The following MIR2052HG variants were observed in gnomAD, a reference collection of about 807,000 sequenced individuals.
MIR2052HG encodes the protein MIR2052 host gene.
At chr8:74,705,582 G>A (rs1809402140) in intron 4 of MIR2052HG, 1 of 169,610 alleles carries the variant, frequency 5.9e-6, no homozygotes, top group African/African-American at 2.4e-5. Context: ...AAAGGGAAAA[G>A]CCTTCAGTAA....
Position 74,673,910 on chromosome 8 carries a change from T to TACAC in MIR2052HG, n.217-28463_217-28460dup, listed in dbSNP as rs1554575314. On this transcript the variant is annotated intron_variant and non_coding_transcript_variant, in intron 2 of 6. Coordinates refer to ENST00000523442, the Ensembl canonical transcript of MIR2052HG. ...TTGTATATATATATATATATATATA[T>TACAC]ACACACACAAAATATCTATCTATAT... Among the ~76,000 whole-genome samples, 803 of 132,586 alleles carry TACAC rather than the reference T, an allele frequency of 6.1e-3. 44 individuals carry two copies. The highest frequency in any genetic ancestry group is 0.023 in the African/African-American group (675 of 29,304). The allele number at this position is 132,586 out of a possible 152,430, so 87.0% of individuals were successfully genotyped here. A position where few individuals can be genotyped will look rare whatever the true frequency, so the allele number is the denominator to read the frequency against.
chr8:74,634,029 C>T (rs898430857), intron 2 of MIR2052HG, among the ~76,000 whole-genome samples: 2 of 152,232 alleles, frequency 1.3e-5, no homozygotes, highest in African/African-American at 2.4e-5. Flanking sequence ...ATCTGGGAGC[C>T]TAATGGAGGA....
chr8:74,610,865 C>G (rs1285296647), intron 1 of MIR2052HG, among the ~76,000 whole-genome samples: 1 of 151,792 alleles, frequency 6.6e-6, no homozygotes. Context: ...AATTATAGAC[C>G]AAAAAGTATC....
At chr8:74,627,063 G>A (rs1029455623) in intron 2 of MIR2052HG, among the ~76,000 whole-genome samples, 21 of 152,064 alleles carry the variant, frequency 1.4e-4, no homozygotes, top group African/African-American at 5.1e-4. Context: ...ACCCTTCTTG[G>A]CTCTCACCCT....
At chr8:74,726,124 C>T (rs750626024) in intron 4 of MIR2052HG, among the ~76,000 whole-genome samples, 3 of 152,168 alleles carry the variant, frequency 2.0e-5, no homozygotes, top group East Asian at 3.9e-4. Flanking sequence ...ATCCGGGAGG[C>T]GGAGGTTGCA....
At chr8:74,697,894 A>T (rs142826111) in intron 2 of MIR2052HG, among the ~76,000 whole-genome samples, 2 of 152,202 alleles carry the variant, frequency 1.3e-5, no homozygotes. Context: ...ATGCTCATGG[A>T]TGGGTAGAAT....
chr8:74,748,450 A>G (rs1167164493), intron 4 of MIR2052HG, among the ~76,000 whole-genome samples: 2 of 152,226 alleles, frequency 1.3e-5, no homozygotes, highest in African/African-American at 4.8e-5. Context: ...GAAAGAAGAA[A>G]AATGCAATAT....
chr8:74,726,037 C>T (rs555041213), intron 4 of MIR2052HG, among the ~76,000 whole-genome samples: 11 of 152,074 alleles, frequency 7.2e-5, no homozygotes, highest in African/African-American at 2.7e-4. Context: ...ACTAAAGATA[C>T]AAAAAATTAG....
intron 2 of MIR2052HG, among the ~76,000 whole-genome samples, chr8:74,632,211 T>C (rs1808520297): frequency 6.6e-6 from 1 of 152,154 alleles, no homozygotes; most frequent in Admixed American, 6.5e-5. Context: ...TGACTGTGGC[T>C]GTCGGAGGAC....
intron 1 of MIR2052HG, chr8:74,604,307 T>C: frequency 1.5e-6 from 1 of 659,626 alleles, no homozygotes. Flanking sequence ...TGATGGGGGG[T>C]GAAAGCCAAA....
chr8:74,617,253 C>T (rs1386147263), intron 2 of MIR2052HG, among the ~76,000 whole-genome samples: 2 of 152,094 alleles, frequency 1.3e-5, no homozygotes, highest in East Asian at 3.9e-4. Flanking sequence ...ACCCTTCCAA[C>T]TTTTGGAGTC....
intron 2 of MIR2052HG, among the ~76,000 whole-genome samples, chr8:74,631,907 A>T (rs570027380): frequency 6.6e-6 from 1 of 152,268 alleles, no homozygotes; most frequent in South Asian, 2.1e-4. Flanking sequence ...TTATATGGGC[A>T]CAAATCTCAT....
At chr8:74,725,659 T>G (rs1809626555) in intron 4 of MIR2052HG, among the ~76,000 whole-genome samples, 1 of 152,136 alleles carries the variant, frequency 6.6e-6, no homozygotes, top group Admixed American at 6.6e-5. Context: ...TTCCCACATT[T>G]GAATTTACTA....
chr8:74,681,957 A>G (rs146267068), intron 2 of MIR2052HG, among the ~76,000 whole-genome samples: 67 of 152,328 alleles, frequency 4.4e-4, no homozygotes, highest in African/African-American at 1.5e-3. Context: ...TGACTATTCA[A>G]TAAATGGTGC....
At chr8:74,749,578 C>G (rs1032706035) in intron 4 of MIR2052HG, among the ~76,000 whole-genome samples, 9 of 152,062 alleles carry the variant, frequency 5.9e-5, no homozygotes, top group Non-Finnish European at 1.0e-4. Context: ...AAGCCAGGCA[C>G]AGTGGCTCAC....
At chr8:74,755,642 G>A (rs536753264) in intron 5 of MIR2052HG, among the ~76,000 whole-genome samples, 22 of 152,234 alleles carry the variant, frequency 1.4e-4, no homozygotes, top group Non-Finnish European at 1.9e-4. Flanking sequence ...TCAGATGCAC[G>A]GTCTTCCAGC....
intron 4 of MIR2052HG, among the ~76,000 whole-genome samples, chr8:74,733,319 A>T (rs1809714499): frequency 6.6e-6 from 1 of 151,896 alleles, no homozygotes; most frequent in South Asian, 2.1e-4. Context: ...CCTATGAGTG[A>T]GTATATGCAG....
rs1257891038 is a variant in MIR2052HG, at chr8:74,625,598, A to C, written n.216+12658A>C. On this transcript the variant is annotated intron_variant and non_coding_transcript_variant, in intron 2 of 6. Coordinates refer to ENST00000523442, the Ensembl canonical transcript of MIR2052HG. ...TTCTGTTTCTATTTTAGAGAGTTAC[A>C]CAAAATTTCTATTTCAGTGATTATC... Among the ~76,000 whole-genome samples, 3 of 152,220 alleles carry C rather than the reference A, an allele frequency of 2.0e-5. No individual in the cohort carries two copies. The South Asian group carries it at 6.2e-4, about 31-fold the overall frequency.
At chr8:74,663,825 A>G (rs1487182948) in intron 2 of MIR2052HG, among the ~76,000 whole-genome samples, 1 of 152,222 alleles carries the variant, frequency 6.6e-6, no homozygotes, top group Admixed American at 6.5e-5. Context: ...GTTTGGATGC[A>G]CTCACTGCAC....
Sources: allele counts gnomAD v4.1 joint callset (sites outside exome capture counted in the v4.1 genomes callset), GRCh38; gene constraint gnomAD v4.1.1; transcripts MANE v1.5; gene names NCBI Gene and HGNC (gene_info 2026-07-23, HGNC 2026-07-21).